The following LNPK variants were observed in gnomAD, a reference collection of about 807,000 sequenced individuals.
LNPK encodes endoplasmic reticulum junction formation protein lunapark.
LNPK carries 29 observed loss-of-function variants against 55.2 expected under a neutral mutation model. That is an observed-to-expected ratio of 0.53 (90% CI 0.39 to 0.72). The LOEUF (loss-of-function observed/expected upper bound fraction) is 0.72. LNPK is among the 30% of genes least tolerant of loss of function. The pLI, the probability that LNPK is intolerant of heterozygous loss-of-function variation, is 0.00. For synonymous variants in LNPK, 162 were observed against 168.2 expected (o/e 0.96, Z 0.29); for missense variants, 467 against 494.8 (o/e 0.94, Z 0.53).
intron 6 of LNPK, among the ~76,000 whole-genome samples, chr2:175,968,681 T>C (rs189643571): frequency 1.3e-5 from 2 of 152,362 alleles, no homozygotes; most frequent in East Asian, 1.9e-4. Flanking sequence ...TCTTTCCTAA[T>C]TTACTTTTTA....
At chr2:176,002,051 C>T (rs1574914631) in intron 1 of LNPK, 109 bp downstream of exon 1, 1 of 320,340 alleles carries the variant, frequency 3.1e-6, no homozygotes, top group African/African-American at 2.3e-5. Context: ...GAGGCGGGGG[C>T]ACCAAGGAGA....
At chr2:175,958,879 G>T (rs1030626224) in intron 8 of LNPK, among the ~76,000 whole-genome samples, 2 of 152,130 alleles carry the variant, frequency 1.3e-5, no homozygotes, top group African/African-American at 2.4e-5. Context: ...GACCTTAAAT[G>T]ACCTGATGGA....
chr2:175,992,870 G>A (rs894720131), intron 3 of LNPK, among the ~76,000 whole-genome samples: 2 of 152,022 alleles, frequency 1.3e-5, no homozygotes, highest in Non-Finnish European at 1.5e-5. Context: ...TATATAAAAA[G>A]CTGTGAAAAT....
chr2:175,933,549 A>G (rs1684384171), intron 12 of LNPK, among the ~76,000 whole-genome samples: 1 of 152,150 alleles, frequency 6.6e-6, no homozygotes, highest in Non-Finnish European at 1.5e-5. Flanking sequence ...TCCTGCCTTA[A>G]GGAAAATGGC....
Position 175,964,409 on chromosome 2 carries a change from T to C in LNPK, c.456A>G (p.Pro152=). ...TTGCAGTTACAGCTGCTCCAGCAGA[T>C]GGCGGCTCACACTCCTGTCAATTAT... The part of the protein sequence containing the change: ...DSKKAKECEP[P]SAGAAVTARP... The change falls in exon 8 of 13, where the codon CCA becomes CCG. Residue 152 remains proline, a synonymous_variant. Transcript: ENST00000272748. 2 of 1,613,600 alleles carry C rather than the reference T, an allele frequency of 1.2e-6. No homozygotes were observed. Among genetic ancestry groups the C allele is most frequent in the East Asian group, 2.2e-5 (1 of 44,858 alleles).
intron 8 of LNPK, among the ~76,000 whole-genome samples, chr2:175,948,694 AT>A (rs1481354684): frequency 1.3e-5 from 2 of 152,192 alleles, no homozygotes; most frequent in Non-Finnish European, 2.9e-5. Context: ...TAAGTAAGTA[AT>A]TTTTAATTGG....
In LNPK at chr2:175,939,619, G is replaced by A. The variant is rs1366716526; in HGVS notation, c.745C>T (p.Leu249Phe). ...PPGPPLARPI[L>F]PRERGALDRI... ...TCCAAAGCACCTCGTTCTCGGGGGA[G>A]AATAGGTCTTGCTAAAGGTGGACCT... The change falls in exon 10 of 13, where the codon CTC (leucine) becomes TTC (phenylalanine). Residue 249 changes from leucine to phenylalanine, a missense_variant. Coordinates refer to ENST00000272748, the MANE Select transcript of LNPK (RefSeq NM_030650.3). 5 of 1,606,704 alleles carry A rather than the reference G, an allele frequency of 3.1e-6. No individual in the cohort carries two copies. The highest frequency in any genetic ancestry group is 3.3e-5 in the Admixed American group (2 of 59,732).
chr2:175,962,184 G>A lies in LNPK; in HGVS notation c.493+2188C>T, dbSNP rs570635727. 5.8e-3 allele frequency among the ~76,000 whole-genome samples: 880 copies of A among 152,036 alleles called. 9 individuals are homozygous for A. Among genetic ancestry groups the A allele is most frequent in the African/African-American group, 0.02 (821 of 41,500 alleles). On this transcript the variant is annotated intron_variant, in intron 8 of 12. Coordinates refer to ENST00000272748, the MANE Select transcript of LNPK (RefSeq NM_030650.3). ...CATCAAGCTACCAGTGACTTTCTTC[G>A]CAGAATTGGAAAAAACTATTTTAAA...
In LNPK at chr2:176,002,009, C is replaced by G. The variant is rs1188453643; in HGVS notation, c.-63+151G>C. 1.4e-5 allele frequency: 4 copies of G among 290,612 alleles called. No individual in the cohort carries two copies. In the East Asian group the frequency reaches 4.2e-4, roughly 31 times the overall value. The allele number at this position is 290,612 out of a possible 1,614,324, so 18.0% of individuals were successfully genotyped here. A position where few individuals can be genotyped will look rare whatever the true frequency, so the allele number is the denominator to read the frequency against. Reference sequence around the variant, plus strand: ...GCGGACCACCGCGCAGCCTGACTAGCAGCCGCCGCAGAGCTCTAGGCCACT... The same window carrying G: ...GCGGACCACCGCGCAGCCTGACTAGGAGCCGCCGCAGAGCTCTAGGCCACT... On this transcript the variant is annotated intron_variant, in intron 1 of 12. Coordinates refer to ENST00000272748, the MANE Select transcript of LNPK (RefSeq NM_030650.3).
chr2:175,962,891 G>C (rs199850112), intron 8 of LNPK, among the ~76,000 whole-genome samples: 21,916 of 149,342 alleles, frequency 0.15, 1,831 homozygotes, highest in South Asian at 0.39. Context: ...AAAAGTGGGC[G>C]AAGGACATGA....
In LNPK at chr2:175,924,523, G is replaced by A. The variant is rs1213035280; in HGVS notation, c.*5444C>T. ...CCTTAAATGCTGACACCAACATTGAGAGGCAGTGTAAAATTCATGGTTCAA... is the reference window on the plus strand; with the variant it reads ...CCTTAAATGCTGACACCAACATTGAAAGGCAGTGTAAAATTCATGGTTCAA... On this transcript the variant is annotated 3_prime_UTR_variant, in exon 13 of 13. Coordinates refer to ENST00000272748, the MANE Select transcript of LNPK (RefSeq NM_030650.3). The A allele has an allele frequency of 2.0e-5, 3 of 152,130 alleles. No homozygotes were observed. The highest frequency in any genetic ancestry group is 2.9e-5 in the Non-Finnish European group (2 of 68,032). The allele number at this position is 152,130 out of a possible 1,614,324, so 9.4% of individuals were successfully genotyped here. A position where few individuals can be genotyped will look rare whatever the true frequency, so the allele number is the denominator to read the frequency against.
intron 6 of LNPK, chr2:175,967,639 T>C: frequency 1.0e-6 from 1 of 984,922 alleles, no homozygotes; most frequent in Non-Finnish European, 1.2e-6. Context: ...ACTCATCCTT[T>C]TATCATGCTG....
In LNPK at chr2:175,930,037, T is replaced by C. The variant is rs552402499; in HGVS notation, c.1217A>G (p.Asn406Ser). 70 of 1,613,898 alleles carry C rather than the reference T, an allele frequency of 4.3e-5. 2 individuals carry two copies. The South Asian group carries it at 6.7e-4, about 15-fold the overall frequency. Residue 406 changes from asparagine (N) to serine (S), a missense_variant, in exon 13 of 13, where the codon AAC becomes AGC. Physicochemically the swap from Asn to Ser is conservative, Grantham distance 46 (BLOSUM62 1). Transcript: ENST00000272748. ...AGAATCAGCTCCAGGAACTGTGGAG[T>C]TGGTTTCAATCACTGAGGCTTCCTC... ...ENEEASVIETNSTVPGADSIP... is the reference protein window; with the variant it reads ...ENEEASVIETSSTVPGADSIP...
At chr2:175,957,970 C>T (rs1446331584) in intron 8 of LNPK, among the ~76,000 whole-genome samples, 3 of 152,152 alleles carry the variant, frequency 2.0e-5, no homozygotes, top group Admixed American at 6.5e-5. Context: ...CACAGCAGTC[C>T]GAGATCCAAC....
At position 175,995,410 on chromosome 2, in the gene LNPK, T is replaced by C. The variant is rs190445707; in HGVS notation, c.27+148A>G. Reference sequence around the variant, plus strand: ...AAATGGAAGTATTAAAATAAAAAAATAGAAAAGTAATTCAAAAGAGAAGAA... The same window carrying C: ...AAATGGAAGTATTAAAATAAAAAAACAGAAAAGTAATTCAAAAGAGAAGAA... On this transcript the variant is annotated intron_variant, in intron 2 of 12. Transcript: ENST00000272748. 7.1e-5 allele frequency: 38 copies of C among 532,946 alleles called. No individual in the cohort carries two copies. The Middle Eastern group carries it at 1.5e-3, about 22-fold the overall frequency. 33.0% of individuals were successfully genotyped at this position (532,946 alleles called of 1,614,324 possible).
chr2:175,946,677 T>C (rs989072166), intron 9 of LNPK, among the ~76,000 whole-genome samples: 2 of 152,146 alleles, frequency 1.3e-5, no homozygotes, highest in Non-Finnish European at 2.9e-5. Flanking sequence ...CTCAAAATCA[T>C]TATTAATTAT....
At chr2:175,960,324 G>C (rs964820528) in intron 8 of LNPK, among the ~76,000 whole-genome samples, 5 of 152,122 alleles carry the variant, frequency 3.3e-5, no homozygotes, top group African/African-American at 1.2e-4. Context: ...GCACTCCTCA[G>C]CAAATGTAAA....
intron 4 of LNPK, among the ~76,000 whole-genome samples, chr2:175,981,141 C>T (rs994983865): frequency 2.0e-5 from 3 of 152,158 alleles, no homozygotes; most frequent in African/African-American, 7.2e-5. Context: ...AGTCCTCTCT[C>T]ACCAGTGTTG....
Position 175,935,824 on chromosome 2 carries a change from T to C in LNPK, c.1054+1520A>G, listed in dbSNP as rs918923287. On this transcript the variant is annotated intron_variant, in intron 12 of 12. Coordinates refer to ENST00000272748, the MANE Select transcript of LNPK (RefSeq NM_030650.3). Reference sequence around the variant, plus strand: ...GATGAGAAGGATAGGTATAGCTGGGTGTTGTTTGCTAACTATCTATCTTGA... The same window carrying C: ...GATGAGAAGGATAGGTATAGCTGGGCGTTGTTTGCTAACTATCTATCTTGA... 5.5e-6 allele frequency: 3 copies of C among 541,954 alleles called. No homozygotes were observed. In the African/African-American group the frequency reaches 6.2e-5, roughly 11 times the overall value. The allele number at this position is 541,954 out of a possible 1,614,324, so 33.6% of individuals were successfully genotyped here.
Sources: allele counts gnomAD v4.1 joint callset (sites outside exome capture counted in the v4.1 genomes callset), GRCh38; gene constraint gnomAD v4.1.1; transcripts MANE v1.5; gene names NCBI Gene and HGNC (gene_info 2026-07-23, HGNC 2026-07-21).